Variants in ELAPOR2 observed in about 807,000 individuals in gnomAD.
ELAPOR2 encodes endosome-lysosome associated apoptosis and autophagy regulator family member 2, also known as endosome/lysosome-associated apoptosis and autophagy regulator family member 2.
Under a neutral mutation model 120.7 loss-of-function variants are expected in ELAPOR2, and 89 were observed. That is an observed-to-expected ratio of 0.74 (90% CI 0.62 to 0.88). ELAPOR2 has a LOEUF of 0.88. Ranked by LOEUF, ELAPOR2 falls within the 40% of genes least tolerant of loss-of-function variation. The pLI is 0.00. For synonymous variants in ELAPOR2, 444 were observed against 444.9 expected, an observed-to-expected ratio of 1.00 and a Z score of 0.03; for missense variants, 1,134 against 1,251.6, an observed-to-expected ratio of 0.91 and a Z score of 1.42.
chr7:87,041,913 G>T (rs1313851548), intron 1 of ELAPOR2, among the ~76,000 whole-genome samples: 1 of 151,796 alleles, frequency 6.6e-6, no homozygotes, highest in Non-Finnish European at 1.5e-5. Flanking sequence ...AAGGATGGAG[G>T]AAGATCTACC....
intron 1 of ELAPOR2, among the ~76,000 whole-genome samples, chr7:86,984,600 C>T (rs1028086176): frequency 6.6e-6 from 1 of 152,182 alleles, no homozygotes; most frequent in Non-Finnish European, 1.5e-5. Context: ...GTAAATAACA[C>T]AATGAAGGCA....
At chr7:86,999,272 G>T (rs1189835445) in intron 1 of ELAPOR2, among the ~76,000 whole-genome samples, 1 of 152,040 alleles carries the variant, frequency 6.6e-6, no homozygotes, top group South Asian at 2.1e-4. Context: ...ATTTTGATCT[G>T]CTAGAATTTT....
intron 1 of ELAPOR2, among the ~76,000 whole-genome samples, chr7:87,020,567 T>C (rs143514738): frequency 1.3e-5 from 2 of 152,104 alleles, no homozygotes; most frequent in Non-Finnish European, 2.9e-5. Context: ...CCAGAATAGA[T>C]AAATCACATA....
intron 1 of ELAPOR2, among the ~76,000 whole-genome samples, chr7:87,000,798 G>A (rs1475347521): frequency 1.3e-5 from 2 of 152,148 alleles, no homozygotes; most frequent in Non-Finnish European, 2.9e-5. Flanking sequence ...CAAAGCTGGT[G>A]TGTCCTACAA....
At chr7:86,936,473 T>C (rs1273426819) in intron 8 of ELAPOR2, among the ~76,000 whole-genome samples, 2 of 152,116 alleles carry the variant, frequency 1.3e-5, no homozygotes, top group African/African-American at 2.4e-5. Flanking sequence ...GTTCATTACA[T>C]ATATTATTTC....
chr7:87,059,285 C>G (rs1795358095), intron 1 of ELAPOR2, 40 bp downstream of exon 1: 3 of 1,245,718 alleles, frequency 2.4e-6, no homozygotes, highest in Non-Finnish European at 3.0e-6. Context: ...TCCGCGCCCT[C>G]CCCCAGCAAA....
intron 8 of ELAPOR2, among the ~76,000 whole-genome samples, chr7:86,930,349 A>G (rs897874910): frequency 6.6e-6 from 1 of 152,000 alleles, no homozygotes; most frequent in Admixed American, 6.6e-5. Context: ...TCTCTGAGAC[A>G]TTCCATGTTC....
chr7:86,937,827 T>C (rs1790630024), intron 8 of ELAPOR2, among the ~76,000 whole-genome samples: 1 of 152,098 alleles, frequency 6.6e-6, no homozygotes, highest in South Asian at 2.1e-4. Flanking sequence ...CTAGGAACTT[T>C]ACATTAAATA....
chr7:86,962,943 A>G (rs1044028069), intron 2 of ELAPOR2, among the ~76,000 whole-genome samples: 2 of 152,210 alleles, frequency 1.3e-5, no homozygotes, highest in African/African-American at 4.8e-5. Flanking sequence ...TAAGCCTATT[A>G]ACTTACTTGT....
chr7:86,963,317 C>T (rs1445916258), intron 2 of ELAPOR2, among the ~76,000 whole-genome samples: 7 of 152,076 alleles, frequency 4.6e-5, no homozygotes, highest in South Asian at 2.1e-4. Flanking sequence ...TAACTAAAAC[C>T]GATTCCTATG....
intron 1 of ELAPOR2, among the ~76,000 whole-genome samples, chr7:87,058,312 C>G (rs1795325542): frequency 6.6e-6 from 1 of 152,196 alleles, no homozygotes; most frequent in African/African-American, 2.4e-5. Flanking sequence ...TATTGGCTAA[C>G]CTATTTTTGC....
At chr7:86,938,323 CAG>C (rs1790651053) in intron 7 of ELAPOR2, 109 bp from the exon 8 acceptor site, 3 of 768,704 alleles carry the variant, frequency 3.9e-6, no homozygotes, top group Non-Finnish European at 6.5e-6. Context: ...ATAAACTTAC[CAG>C]GGCAATTTAG....
At chr7:86,933,066 C>T (rs1165353984) in intron 8 of ELAPOR2, among the ~76,000 whole-genome samples, 2 of 151,566 alleles carry the variant, frequency 1.3e-5, no homozygotes, top group South Asian at 2.1e-4. Context: ...GTGTGAGTTA[C>T]AGTATGTATA....
intron 8 of ELAPOR2, among the ~76,000 whole-genome samples, chr7:86,929,822 A>G (rs1401794571): frequency 1.3e-5 from 2 of 151,780 alleles, no homozygotes; most frequent in Non-Finnish European, 2.9e-5. Flanking sequence ...TTCTTGTGAT[A>G]GTGAGTTCTC....
intron 1 of ELAPOR2, among the ~76,000 whole-genome samples, chr7:87,051,279 G>T (rs940244817): frequency 3.9e-5 from 6 of 152,054 alleles, no homozygotes; most frequent in Non-Finnish European, 8.8e-5. Flanking sequence ...AGGAGAGTTT[G>T]GGGTGCTTGA....
At chr7:86,990,790 T>G (rs1021602715) in intron 1 of ELAPOR2, among the ~76,000 whole-genome samples, 35 of 152,336 alleles carry the variant, frequency 2.3e-4, no homozygotes, top group African/African-American at 8.2e-4. Flanking sequence ...TTATACAGTT[T>G]GTGATTCTCA....
chr7:86,891,857 G>T lies in ELAPOR2; in HGVS notation c.2897C>A (p.Thr966Lys). ...GAGTTCACACTCTTTTGAGTTAGTC[G>T]TCATTACTAACTTGGAATATTTGTA... ...LEYKYSKLVM[T>K]TNSKECELPA... Residue 966 changes from threonine to lysine, a missense_variant, in exon 21 of 22, where the codon ACG (threonine) becomes AAG (lysine). Coordinates refer to ENST00000450689, the MANE Select transcript of ELAPOR2 (RefSeq NM_001142749.3). 6.2e-7 allele frequency: 1 copy of T among 1,607,368 alleles called. No individual in the cohort carries two copies. Among genetic ancestry groups the T allele is most frequent in the Non-Finnish European group, 8.5e-7 (1 of 1,175,976 alleles).
At chr7:86,929,647 G>A (rs753421991) in intron 8 of ELAPOR2, among the ~76,000 whole-genome samples, 8 of 151,856 alleles carry the variant, frequency 5.3e-5, no homozygotes, top group Admixed American at 1.3e-4. Context: ...TTTCTATGAC[G>A]GCTTTGCTGC....
At chr7:86,991,488 AC>A (rs1289239164) in intron 1 of ELAPOR2, among the ~76,000 whole-genome samples, 2 of 152,204 alleles carry the variant, frequency 1.3e-5, no homozygotes, top group Non-Finnish European at 2.9e-5. Context: ...GATGTGGTCT[AC>A]CAGAAGAATT....
Sources: allele counts gnomAD v4.1 joint callset (sites outside exome capture counted in the v4.1 genomes callset), GRCh38; gene constraint gnomAD v4.1.1; transcripts MANE v1.5; gene names NCBI Gene and HGNC (gene_info 2026-07-23, HGNC 2026-07-21).